PTPRG: variants seen among roughly 807,000 people sequenced by gnomAD.
PTPRG encodes receptor-type tyrosine-protein phosphatase gamma.
PTPRG carries 102 observed loss-of-function variants against 165.3 expected under a neutral mutation model. The observed-to-expected ratio is 0.62, with a 90% CI of 0.53 to 0.73. The LOEUF is 0.73. Ranked by LOEUF, PTPRG falls within the 30% of genes least tolerant of loss-of-function variation. The pLI is 0.00. For synonymous variants in PTPRG, 675 were observed against 669.5 expected, an observed-to-expected ratio of 1.01 and a Z score of -0.13; for missense variants, 1,866 against 1,861.4, an observed-to-expected ratio of 1.00 and a Z score of -0.05.
chr3:61,735,529 GT>G (rs11352504), intron 1 of PTPRG, among the ~76,000 whole-genome samples: 104,235 of 143,148 alleles, frequency 0.73, 37,451 homozygotes, highest in Middle Eastern at 0.82. Context: ...AATTCCTTGA[GT>G]TTTTTTTTTT....
chr3:62,069,107 C>T (rs1186394995), intron 4 of PTPRG, among the ~76,000 whole-genome samples: 1 of 152,132 alleles, frequency 6.6e-6, no homozygotes, highest in African/African-American at 2.4e-5. Context: ...TTATTTGAAC[C>T]TTACTTTAAG....
intron 2 of PTPRG, among the ~76,000 whole-genome samples, chr3:61,842,699 A>AAG (rs1231908467): frequency 6.7e-6 from 1 of 148,880 alleles, no homozygotes; most frequent in Admixed American, 6.6e-5. Flanking sequence ...AAAAAAAAAA[A>AAG]AAAAGAAAAA....
chr3:62,131,112 A>C (rs748257825), intron 5 of PTPRG, among the ~76,000 whole-genome samples: 1 of 152,146 alleles, frequency 6.6e-6, no homozygotes, highest in Non-Finnish European at 1.5e-5. Context: ...CTGACCCTCA[A>C]CCTCTGCACC....
At chr3:61,707,196 A>G (rs369796097) in intron 1 of PTPRG, among the ~76,000 whole-genome samples, 2 of 152,264 alleles carry the variant, frequency 1.3e-5, no homozygotes, top group African/African-American at 4.8e-5. Flanking sequence ...AAAGTAGCAT[A>G]TGCATCCTCA....
chr3:61,797,343 G>A (rs2035079627), intron 2 of PTPRG, among the ~76,000 whole-genome samples: 1 of 152,174 alleles, frequency 6.6e-6, no homozygotes, highest in Non-Finnish European at 1.5e-5. Flanking sequence ...ACATCACTGA[G>A]ATTGGGCTGA....
chr3:61,621,964 C>T (rs1395246873), intron 1 of PTPRG, among the ~76,000 whole-genome samples: 1 of 152,178 alleles, frequency 6.6e-6, no homozygotes, highest in East Asian at 1.9e-4. Context: ...ATTATTATCT[C>T]CACAGTCCCT....
intron 3 of PTPRG, among the ~76,000 whole-genome samples, chr3:61,998,248 C>T (rs2041085581): frequency 6.6e-6 from 1 of 152,142 alleles, no homozygotes; most frequent in Admixed American, 6.5e-5. Flanking sequence ...CCACGCTTTG[C>T]CCTGGCCCTT....
intron 2 of PTPRG, among the ~76,000 whole-genome samples, chr3:61,805,965 TTC>T (rs2035401962): frequency 6.6e-6 from 1 of 152,186 alleles, no homozygotes; most frequent in African/African-American, 2.4e-5. Context: ...CTCGATCATA[TTC>T]TCTCTTTGCC....
rs149710161 is a variant in PTPRG at position 61,631,378 on chromosome 3, T to TGA, written c.85+69017_85+69018dup. 9.1e-3 allele frequency among the ~76,000 whole-genome samples: 1,385 copies of TGA among 152,290 alleles called. 16 individuals carry two copies. Among genetic ancestry groups the TGA allele is most frequent in the African/African-American group, 0.031 (1,306 of 41,550 alleles). On this transcript the variant is annotated intron_variant, in intron 1 of 29. Coordinates refer to ENST00000474889, the MANE Select transcript of PTPRG (RefSeq NM_002841.4). ...GTGAATATAGTATGATAGTATATTTTGAGAGAGAGAGACCAAAACTATATT... is the reference window on the plus strand; with the variant it reads ...GTGAATATAGTATGATAGTATATTTTGAGAGAGAGAGAGACCAAAACTATATT...
chr3:61,716,424 A>G (rs915912662), intron 1 of PTPRG, among the ~76,000 whole-genome samples: 11 of 152,214 alleles, frequency 7.2e-5, no homozygotes, highest in African/African-American at 2.7e-4. Flanking sequence ...CTGTGGGATA[A>G]CAATCTGTTT....
At chr3:61,669,072 A>G (rs988031466) in intron 1 of PTPRG, among the ~76,000 whole-genome samples, 2 of 152,214 alleles carry the variant, frequency 1.3e-5, no homozygotes, top group Admixed American at 6.5e-5. Flanking sequence ...TTGCGTTTGT[A>G]TTATTGACAT....
chr3:61,699,103 T>G (rs1268142650), intron 1 of PTPRG, among the ~76,000 whole-genome samples: 1 of 152,184 alleles, frequency 6.6e-6, no homozygotes, highest in African/African-American at 2.4e-5. Context: ...CACAGCAACA[T>G]GGCACATGTA....
At chr3:61,889,713 G>C (rs1243068252) in intron 2 of PTPRG, among the ~76,000 whole-genome samples, 1 of 151,910 alleles carries the variant, frequency 6.6e-6, no homozygotes, top group East Asian at 1.9e-4. Flanking sequence ...TTTTAAGGAG[G>C]GATGGCATCA....
intron 3 of PTPRG, among the ~76,000 whole-genome samples, chr3:61,995,058 TTTTTTC>T (rs2040987395): frequency 9.6e-6 from 1 of 103,778 alleles, no homozygotes; most frequent in Non-Finnish European, 2.0e-5. Context: ...TTTTTTTTTC[TTTTTTC>T]TTTTTTCTTT....
intron 1 of PTPRG, among the ~76,000 whole-genome samples, chr3:61,644,226 T>C (rs1702140821): frequency 6.6e-6 from 1 of 152,224 alleles, no homozygotes; most frequent in South Asian, 2.1e-4. Context: ...AAGTTAACTT[T>C]GGAGCTTTAG....
chr3:61,719,551 G>A (rs2031960354), intron 1 of PTPRG, among the ~76,000 whole-genome samples: 1 of 152,216 alleles, frequency 6.6e-6, no homozygotes. Flanking sequence ...GGCAGTGGCA[G>A]AGAAAGGGAA....
chr3:62,201,406 T>C (rs758198313), intron 10 of PTPRG, 99 bp from the exon 11 acceptor site: 2 of 972,044 alleles, frequency 2.1e-6, no homozygotes, highest in Non-Finnish European at 1.5e-6. Context: ...TTTTGACATG[T>C]GAAAATTATA....
At chr3:62,076,639 T>G (rs1477463854) in intron 4 of PTPRG, among the ~76,000 whole-genome samples, 1 of 151,488 alleles carries the variant, frequency 6.6e-6, no homozygotes, top group Admixed American at 6.6e-5. Context: ...TGGAGTGCAA[T>G]GGCATGACCT....
At position 62,229,327 on chromosome 3, in the gene PTPRG, T is replaced by C. The variant is rs1700840359; in HGVS notation, c.2289-1898T>C. Among the ~76,000 whole-genome samples, 1 of 152,192 alleles carries C rather than the reference T, an allele frequency of 6.6e-6. No individual in the cohort carries two copies. Among genetic ancestry groups the C allele is most frequent in the Non-Finnish European group, 1.5e-5 (1 of 68,040 alleles). The stretch of plus-strand genomic sequence containing the variant: ...GGATCCCAGGCAACTTTTTGCTCAA[T>C]AACTGTTTCCCAAATGGCTACTCAG... On this transcript the variant is annotated intron_variant, in intron 13 of 29. Transcript: ENST00000474889. This position sits in a 1 kb window ranked among gnomAD's most constrained non-coding sequence, Gnocchi z 4.6.
Sources: allele counts gnomAD v4.1 joint callset (sites outside exome capture counted in the v4.1 genomes callset), GRCh38; gene constraint gnomAD v4.1.1; non-coding constraint Gnocchi (gnomAD v3.1); transcripts MANE v1.5; gene names NCBI Gene and HGNC (gene_info 2026-07-23, HGNC 2026-07-21).